The following RUNX1 variants were observed in gnomAD, a reference collection of about 807,000 sequenced individuals.
The protein encoded by RUNX1 is RUNX family transcription factor 1, also known as runt-related transcription factor 1.
RUNX1 carries 19 observed loss-of-function variants against 42.8 expected under a neutral mutation model. The observed-to-expected ratio is 0.44, with a 90% CI of 0.31 to 0.65. The LOEUF is 0.65. Among genes scored for constraint, RUNX1 ranks in the 30% least tolerant of loss-of-function variants. The pLI is 0.07. For missense variants in RUNX1, 528 were observed against 672.0 expected (o/e 0.79, Z 2.37); for synonymous variants, 271 against 289.4 (o/e 0.94, Z 0.64).
chr21:35,005,741 G>A (rs2146891848), intron 2 of RUNX1, among the ~76,000 whole-genome samples: 1 of 151,508 alleles, frequency 6.6e-6, no homozygotes, highest in South Asian at 2.1e-4. Flanking sequence ...GAAGAACATG[G>A]CTTTTGGCTG....
intron 2 of RUNX1, among the ~76,000 whole-genome samples, chr21:35,025,987 G>C (rs1387972809): frequency 6.6e-6 from 1 of 152,054 alleles, no homozygotes; most frequent in African/African-American, 2.4e-5. Flanking sequence ...AAAAGCACTG[G>C]GTAGCTGGAA....
chr21:34,888,761 G>C, intron 3 of RUNX1: 1 of 894,108 alleles, frequency 1.1e-6, no homozygotes, highest in Non-Finnish European at 1.4e-6. Flanking sequence ...CCCTCAGCTC[G>C]TTTGCATAGG....
chr21:34,848,782 C>A (rs980767569), intron 6 of RUNX1, among the ~76,000 whole-genome samples: 1 of 152,098 alleles, frequency 6.6e-6, no homozygotes, highest in Non-Finnish European at 1.5e-5. Flanking sequence ...GAGTAGTGTC[C>A]GAGAGGCGCG....
At chr21:34,855,250 T>A (rs77367874) in intron 6 of RUNX1, among the ~76,000 whole-genome samples, 3,910 of 152,232 alleles carry the variant, frequency 0.026, 65 homozygotes, top group African/African-American at 0.048. Flanking sequence ...TCTTCCTCCA[T>A]GGCATTGAAC....
intron 6 of RUNX1, among the ~76,000 whole-genome samples, chr21:34,857,019 T>C (rs923107434): frequency 6.6e-6 from 1 of 152,152 alleles, no homozygotes; most frequent in Non-Finnish European, 1.5e-5. Context: ...ACAGGGCAAA[T>C]AGAAAAGTCA....
At chr21:34,971,716 TG>T (rs2058764974) in intron 2 of RUNX1, among the ~76,000 whole-genome samples, 1 of 152,212 alleles carries the variant, frequency 6.6e-6, no homozygotes, top group South Asian at 2.1e-4. Context: ...GGTTCCCATG[TG>T]AGGGCAAGAG....
chr21:35,008,501 G>A (rs1447266254), intron 2 of RUNX1, among the ~76,000 whole-genome samples: 1 of 152,204 alleles, frequency 6.6e-6, no homozygotes, highest in African/African-American at 2.4e-5. Flanking sequence ...GCTTTGGGCT[G>A]GGAGAATTCC....
intron 2 of RUNX1, among the ~76,000 whole-genome samples, chr21:34,943,949 G>A (rs1252988316): frequency 7.9e-5 from 12 of 151,964 alleles, no homozygotes; most frequent in South Asian, 4.2e-4. Context: ...TTTTAATAGC[G>A]TAGGAAGAAA....
chr21:34,982,195 A>G (rs2058851490), intron 2 of RUNX1, among the ~76,000 whole-genome samples: 1 of 152,192 alleles, frequency 6.6e-6, no homozygotes, highest in African/African-American at 2.4e-5. Context: ...AATCGCTACC[A>G]TCTTTCTTAC....
chr21:34,889,609 C>T, intron 3 of RUNX1: 2 of 1,028,610 alleles, frequency 1.9e-6, no homozygotes, highest in Non-Finnish European at 2.4e-6. Flanking sequence ...CCCTCCGGCT[C>T]CCCGGAAGCG....
chr21:34,996,832 TA>T (rs572431130), intron 2 of RUNX1, among the ~76,000 whole-genome samples: 2 of 151,070 alleles, frequency 1.3e-5, no homozygotes, highest in African/African-American at 4.9e-5. Flanking sequence ...GCCAAGATGT[TA>T]AAAAAAAATA....
At chr21:34,794,672 A>T (rs1008805270) in intron 8 of RUNX1, among the ~76,000 whole-genome samples, 1 of 152,166 alleles carries the variant, frequency 6.6e-6, no homozygotes, top group Admixed American at 6.5e-5. Context: ...TCTTACCTAC[A>T]GGCCGCCCTT....
chr21:34,952,421 GA>G (rs961227847), intron 2 of RUNX1, among the ~76,000 whole-genome samples: 1 of 151,550 alleles, frequency 6.6e-6, no homozygotes, highest in Non-Finnish European at 1.5e-5. Flanking sequence ...ATTAAAATTG[GA>G]AAAAAAATAG....
At chr21:35,046,713 C>T (rs1188886331) in intron 2 of RUNX1, among the ~76,000 whole-genome samples, 1 of 152,160 alleles carries the variant, frequency 6.6e-6, no homozygotes, top group African/African-American at 2.4e-5. Context: ...TGATGGATCA[C>T]TTGGATGAAA....
chr21:35,002,545 A>G (rs1335922964), intron 2 of RUNX1, among the ~76,000 whole-genome samples: 2 of 151,956 alleles, frequency 1.3e-5, no homozygotes, highest in East Asian at 1.9e-4. Context: ...CTCCTGCCTC[A>G]GCCTCCCGAG....
At chr21:34,949,115 C>G (rs1195638796) in intron 2 of RUNX1, among the ~76,000 whole-genome samples, 1 of 152,168 alleles carries the variant, frequency 6.6e-6, no homozygotes, top group African/African-American at 2.4e-5. Flanking sequence ...CCCATCCCCC[C>G]AAACAGCTAC....
At chr21:34,798,840 G>C (rs1219298022) in intron 8 of RUNX1, among the ~76,000 whole-genome samples, 1 of 151,918 alleles carries the variant, frequency 6.6e-6, no homozygotes, top group Non-Finnish European at 1.5e-5. Context: ...GGGGGTCCTG[G>C]AACCAGTCCT....
chr21:34,918,092 C>A (rs1268280461), intron 2 of RUNX1, among the ~76,000 whole-genome samples: 1 of 140,760 alleles, frequency 7.1e-6, no homozygotes, highest in East Asian at 2.1e-4. Flanking sequence ...TGAGCCACTG[C>A]ACTCCAGCCT....
chr21:34,954,692 C>T (rs1330157823), intron 2 of RUNX1, among the ~76,000 whole-genome samples: 1 of 152,176 alleles, frequency 6.6e-6, no homozygotes, highest in Non-Finnish European at 1.5e-5. Flanking sequence ...CCCTCTCTCC[C>T]CTCACTGTAG....
Sources: allele counts gnomAD v4.1 joint callset (sites outside exome capture counted in the v4.1 genomes callset), GRCh38; gene constraint gnomAD v4.1.1; transcripts MANE v1.5; gene names NCBI Gene and HGNC (gene_info 2026-07-23, HGNC 2026-07-21).